Variants in DNAH5 observed in about 807,000 individuals in gnomAD.
DNAH5 encodes dynein axonemal heavy chain 5.
Under a neutral mutation model 518.2 loss-of-function variants are expected in DNAH5, and 372 were observed. The observed-to-expected ratio is 0.72, with a 90% CI of 0.66 to 0.78. DNAH5 has a LOEUF of 0.78. Ranked by LOEUF, DNAH5 falls within the 30% of genes least tolerant of loss-of-function variation. The pLI is 0.00. For synonymous variants in DNAH5, 2,039 were observed against 2,025.9 expected, an observed-to-expected ratio of 1.01 and a Z score of -0.17; for missense variants, 5,523 against 5,687.0, an observed-to-expected ratio of 0.97 and a Z score of 0.93.
At chr5:13,963,728 T>C (rs1781345073) in intron 1 of DNAH5, among the ~76,000 whole-genome samples, 2 of 152,068 alleles carry the variant, frequency 1.3e-5, no homozygotes, top group African/African-American at 2.4e-5. Context: ...CTCTCCCCAC[T>C]ACCCCCCTCC....
chr5:13,894,721 G>A lies in DNAH5; in HGVS notation c.2360C>T (p.Pro787Leu), dbSNP rs755395400. Residue 787 changes from proline to leucine, a missense_variant, in exon 16 of 79, where the codon CCT becomes CTT. This residue lies in a region of DNAH5 where 5,121 missense variants were observed against 5,223.3 expected (regional missense o/e 0.98). Transcript: ENST00000265104. ...HLAKVDEALQ[P>L]GLAALTWTSL... is the part of the protein sequence containing the mutation. ...TGTCCAGGTCAGTGCAGCCAAGCCA[G>A]GTTGGAGAGCTTCATCCACTTTGGC... 11 of 1,613,994 alleles carry A rather than the reference G, an allele frequency of 6.8e-6. No homozygotes were observed. In the East Asian group the frequency reaches 2.2e-4, roughly 33 times the overall value.
chr5:13,829,659 T>C lies in DNAH5; in HGVS notation c.6295A>G (p.Ile2099Val). Residue 2099 changes from isoleucine (I) to valine (V), a missense_variant, in exon 38 of 79, where the codon ATT (isoleucine) becomes GTT (valine). Ile to Val is a conservative substitution (Grantham distance 29). This residue lies in a region of DNAH5 where 5,121 missense variants were observed against 5,223.3 expected (regional missense o/e 0.98). Transcript: ENST00000265104. ...GRQELPENLK[I>V]NFRSVAMMVP... The stretch of plus-strand genomic sequence containing the variant: ...ATCATGGCCACTGAGCGGAAATTAA[T>C]CTTCAAGTTTTCAGGGAGTTCCTGC... The C allele has an allele frequency of 6.2e-7, 1 of 1,614,210 alleles. No homozygotes were observed. The highest frequency in any genetic ancestry group is 1.3e-5 in the African/African-American group (1 of 75,068).
chr5:13,784,345 G>A (rs1042390578), intron 52 of DNAH5, among the ~76,000 whole-genome samples: 3 of 152,086 alleles, frequency 2.0e-5, no homozygotes, highest in African/African-American at 4.8e-5. Context: ...TATAAATTAA[G>A]AGCGAATTTC....
At chr5:13,816,682 A>G (rs759293702) in intron 42 of DNAH5, among the ~76,000 whole-genome samples, 3 of 152,336 alleles carry the variant, frequency 2.0e-5, no homozygotes, top group Non-Finnish European at 2.9e-5. Context: ...GTAGAACAAA[A>G]ACAATTTCTA....
chr5:13,743,815 T>G (rs1051762010), intron 65 of DNAH5, among the ~76,000 whole-genome samples: 2 of 151,986 alleles, frequency 1.3e-5, no homozygotes, highest in Admixed American at 1.3e-4. Context: ...TAACAAATGC[T>G]GATGAAGATG....
At position 13,901,346 on chromosome 5, in the gene DNAH5, G is replaced by A. The variant is rs201020293; in HGVS notation, c.1958C>T (p.Thr653Met). 88 of 1,614,002 alleles carry A rather than the reference G, an allele frequency of 5.5e-5. No individual in the cohort carries two copies. The highest frequency in any genetic ancestry group is 2.0e-4 in the East Asian group (9 of 44,872). The change falls in exon 14 of 79, where the codon ACG (threonine) becomes ATG (methionine). Residue 653 changes from threonine to methionine, a missense_variant. Around this residue, in one of 3 missense-constraint regions of DNAH5, gnomAD observed 5,121 missense variants for 5,223.3 expected, o/e 0.98. Transcript: ENST00000265104. ...GCGAATTATAGGTTTGGCTTCTGCC[G>A]TGCTTAGCACAGCTGGGTGCTGCTG... Reference protein sequence around the residue: ...LFQQHPAVLSTAEAKPIIRSY... With the variant: ...LFQQHPAVLSMAEAKPIIRSY...
At chr5:13,743,580 T>C (rs1345767911) in intron 65 of DNAH5, among the ~76,000 whole-genome samples, 2 of 151,644 alleles carry the variant, frequency 1.3e-5, no homozygotes, top group African/African-American at 4.8e-5. Flanking sequence ...TAAGAGGGGA[T>C]TAACATCCAG....
chr5:13,797,020 C>A (rs1275255836), intron 47 of DNAH5, among the ~76,000 whole-genome samples: 1 of 152,170 alleles, frequency 6.6e-6, no homozygotes, highest in Non-Finnish European at 1.5e-5. Context: ...GAAACTGGAT[C>A]CCTTCCTTAC....
chr5:13,717,687 G>A (rs537624578), intron 72 of DNAH5, among the ~76,000 whole-genome samples, 167 bp from the exon 73 acceptor site: 6 of 152,270 alleles, frequency 3.9e-5, no homozygotes, highest in African/African-American at 9.6e-5. Context: ...TGGGTGTCCA[G>A]AGGCCATTTC....
At chr5:13,952,168 C>G (rs368311367) in intron 1 of DNAH5, among the ~76,000 whole-genome samples, 2 of 151,928 alleles carry the variant, frequency 1.3e-5, no homozygotes, top group Non-Finnish European at 2.9e-5. Context: ...GATAGCTTGA[C>G]GTTTATCACA....
chr5:13,759,559 G>A (rs544792412), intron 60 of DNAH5, among the ~76,000 whole-genome samples: 5 of 152,296 alleles, frequency 3.3e-5, no homozygotes, highest in East Asian at 1.9e-4. Context: ...TTTGTGTATC[G>A]TGGTGGTCTT....
At chr5:13,811,064 T>C (rs981383991) in intron 44 of DNAH5, among the ~76,000 whole-genome samples, 1 of 151,674 alleles carries the variant, frequency 6.6e-6, no homozygotes, top group Non-Finnish European at 1.5e-5. Context: ...AGTAGAAGGA[T>C]GGTTACCAGA....
In DNAH5 at chr5:13,719,076, C is replaced by T; in HGVS notation, c.12305G>A (p.Cys4102Tyr). ...ANGGWALLQN[C>Y]HLGLDFMDEL... ...ATCCATGAAATCAAGTCCCAGATGG[C>T]AGTTCTGCAGAAGTGCCCATCCTCC... The change falls in exon 72 of 79, where the codon TGC becomes TAC. Residue 4102 changes from cysteine to tyrosine, a missense_variant. Physicochemically the swap from Cys to Tyr is radical, Grantham distance 194. This residue lies in a region of DNAH5 where 5,121 missense variants were observed against 5,223.3 expected (regional missense o/e 0.98). Coordinates refer to ENST00000265104, the MANE Select transcript of DNAH5 (RefSeq NM_001369.3). 2 of 1,614,076 alleles carry T rather than the reference C, an allele frequency of 1.2e-6. No homozygotes were observed. The highest frequency in any genetic ancestry group is 1.7e-6 in the Non-Finnish European group (2 of 1,180,002).
At position 13,770,947 on chromosome 5, in the gene DNAH5, T is replaced by G. The variant is rs754793169; in HGVS notation, c.9407A>C (p.Asp3136Ala). ...SEHFLTSYDI[D>A]CSLEIKKEVV... is the part of the protein sequence containing the mutation. ...CTCCTTCTTGATTTCCAAACTGCAG[T>G]CAATATCATAGGAAGTGAGGAAGTG... The change falls in exon 56 of 79, where the codon GAC becomes GCC. Residue 3136 changes from aspartate to alanine, a missense_variant. This residue lies in a region of DNAH5 where 5,121 missense variants were observed against 5,223.3 expected (regional missense o/e 0.98). Coordinates refer to ENST00000265104, the MANE Select transcript of DNAH5 (RefSeq NM_001369.3). 6 of 1,613,834 alleles carry G rather than the reference T, an allele frequency of 3.7e-6. No homozygotes were observed. Among genetic ancestry groups the G allele is most frequent in the Non-Finnish European group, 5.1e-6 (6 of 1,179,906 alleles).
Position 13,958,200 on chromosome 5 carries a change from C to T in DNAH5, c.13-26956G>A, listed in dbSNP as rs535227059. Among the ~76,000 whole-genome samples the T allele has an allele frequency of 2.6e-5, 4 of 151,980 alleles. No homozygotes were observed. The East Asian group carries it at 7.7e-4, about 29-fold the overall frequency. ...GCATACAAATCCTTGGTATAAATCT[C>T]TATTTATTAATTTCAATAAATTATT... On this transcript the variant is annotated intron_variant, in intron 1 of 78. Transcript: ENST00000681290.
rs749980719 is a variant in DNAH5, at chr5:13,753,280, G to A, written c.10825C>T (p.Gln3609Ter). The A allele has an allele frequency of 5.6e-6, 9 of 1,613,928 alleles. No homozygotes were observed. The highest frequency in any genetic ancestry group is 7.6e-6 in the Non-Finnish European group (9 of 1,179,882). The change falls in exon 63 of 79, where the codon CAA becomes TAA. Residue 3609 changes from glutamine (Q) to a stop codon, truncating the protein, a stop_gained. Coordinates refer to ENST00000265104, the MANE Select transcript of DNAH5 (RefSeq NM_001369.3). LOFTEE classifies it high-confidence loss of function. ...RYPLLIDPQT[Q>*]GKIWIKNKES... Reference sequence around the variant, plus strand: ...TTATTTTTAATCCAGATCTTGCCTTGAGTCTGTGGATCAATTAACAAAGGG... The same window carrying A: ...TTATTTTTAATCCAGATCTTGCCTTAAGTCTGTGGATCAATTAACAAAGGG...
At chr5:13,702,532 G>A (rs566729793) in intron 76 of DNAH5, among the ~76,000 whole-genome samples, 71 of 152,304 alleles carry the variant, frequency 4.7e-4, no homozygotes, top group Non-Finnish European at 7.8e-4. Context: ...GGGTCCTACC[G>A]AGGTGGGTGA....
At chr5:13,741,095 G>C (rs1382917750) in intron 65 of DNAH5, among the ~76,000 whole-genome samples, 1 of 152,132 alleles carries the variant, frequency 6.6e-6, no homozygotes, top group Non-Finnish European at 1.5e-5. Context: ...GGAAAATCTA[G>C]TCTTTGTGCC....
chr5:13,902,237 C>G (rs1774729006), intron 12 of DNAH5, 99 bp from the exon 13 acceptor site: 1 of 853,122 alleles, frequency 1.2e-6, no homozygotes, highest in Non-Finnish European at 1.9e-6. Context: ...ACACATATAA[C>G]ATGGAACAAA....
Sources: allele counts gnomAD v4.1 joint callset (sites outside exome capture counted in the v4.1 genomes callset), GRCh38; gene constraint gnomAD v4.1.1; regional missense constraint gnomAD v4.1.1; transcripts MANE v1.5; gene names NCBI Gene and HGNC (gene_info 2026-07-23, HGNC 2026-07-21).